Variants in PAPPA2 observed in about 807,000 individuals in gnomAD.
The protein encoded by PAPPA2 is pappalysin-2.
PAPPA2 carries 86 observed loss-of-function variants against 176.4 expected under a neutral mutation model. The observed-to-expected ratio is 0.49, with a 90% CI of 0.41 to 0.58. The LOEUF (loss-of-function observed/expected upper bound fraction) is 0.58, where lower values mean the gene tolerates loss of function less well. Ranked by LOEUF, PAPPA2 falls within the 20% of genes least tolerant of loss-of-function variation. The pLI is 0.00. For missense variants in PAPPA2, 2,073 were observed against 2,256.9 expected, an observed-to-expected ratio of 0.92 and a Z score of 1.65; for synonymous variants, 809 against 852.2, an observed-to-expected ratio of 0.95 and a Z score of 0.88.
chr1:176,603,003 G>T (rs10913215), intron 3 of PAPPA2, among the ~76,000 whole-genome samples: 18 of 152,076 alleles, frequency 1.2e-4, no homozygotes, highest in African/African-American at 2.4e-4. Context: ...TCAGGTGAGT[G>T]GGGGGCTGGG....
chr1:176,464,874 A>G (rs942735845), intron 1 of PAPPA2, among the ~76,000 whole-genome samples: 1 of 152,252 alleles, frequency 6.6e-6, no homozygotes, highest in African/African-American at 2.4e-5. Context: ...AAAACAATCC[A>G]TAATCCCAAT....
At position 176,770,245 on chromosome 1, in the gene PAPPA2, A is replaced by G. The variant is rs142841658; in HGVS notation, c.4501+461A>G. ...TTCTCAGACTTTGGTGTGCCTAACAATGACTCAGGAGGCTTGCTATAATTG... is the reference window on the plus strand; with the variant it reads ...TTCTCAGACTTTGGTGTGCCTAACAGTGACTCAGGAGGCTTGCTATAATTG... On this transcript the variant is annotated intron_variant, in intron 16 of 22. Transcript: ENST00000367662. Among the ~76,000 whole-genome samples, 361 of 152,346 alleles carry G rather than the reference A, an allele frequency of 2.4e-3. 3 individuals carry two copies. Among genetic ancestry groups the G allele is most frequent in the Middle Eastern group, 0.01 (3 of 294 alleles).
intron 12 of PAPPA2, among the ~76,000 whole-genome samples, chr1:176,728,426 T>C (rs1334313690): frequency 6.6e-6 from 1 of 151,848 alleles, no homozygotes; most frequent in Non-Finnish European, 1.5e-5. Flanking sequence ...AGTATCTCAG[T>C]AGCAATAAAA....
At chr1:176,567,662 C>T (rs1298574509) in intron 2 of PAPPA2, among the ~76,000 whole-genome samples, 1 of 152,148 alleles carries the variant, frequency 6.6e-6, no homozygotes, top group Non-Finnish European at 1.5e-5. Flanking sequence ...GAATTTAGGC[C>T]TGTAAACTGT....
intron 21 of PAPPA2, among the ~76,000 whole-genome samples, chr1:176,834,969 CT>C (rs1366948572): frequency 3.3e-5 from 5 of 152,018 alleles, no homozygotes; most frequent in African/African-American, 1.2e-4. Context: ...GAAAATTCAT[CT>C]CAAAAACAAA....
chr1:176,521,750 G>T (rs376700648), intron 1 of PAPPA2, among the ~76,000 whole-genome samples: 1 of 152,186 alleles, frequency 6.6e-6, no homozygotes, highest in Admixed American at 6.5e-5. Context: ...AGGGGGGAAA[G>T]TGATGACCAC....
chr1:176,710,598 C>T (rs1303152411), intron 11 of PAPPA2, among the ~76,000 whole-genome samples: 5 of 151,990 alleles, frequency 3.3e-5, no homozygotes, highest in Non-Finnish European at 7.4e-5. Context: ...TCTGACGGAT[C>T]TAAAATGCTA....
At chr1:176,679,280 A>G (rs1390126274) in intron 4 of PAPPA2, among the ~76,000 whole-genome samples, 1 of 152,114 alleles carries the variant, frequency 6.6e-6, no homozygotes, top group African/African-American at 2.4e-5. Context: ...ATCAACCTAC[A>G]TCCTGATAAC....
intron 1 of PAPPA2, among the ~76,000 whole-genome samples, chr1:176,514,911 A>G (rs1648819411): frequency 6.6e-6 from 1 of 152,168 alleles, no homozygotes; most frequent in Admixed American, 6.5e-5. Context: ...CATCAAGATT[A>G]TTCTTATTCA....
intron 1 of PAPPA2, among the ~76,000 whole-genome samples, chr1:176,477,690 A>G (rs1652197157): frequency 6.6e-6 from 1 of 152,192 alleles, no homozygotes; most frequent in Admixed American, 6.5e-5. Flanking sequence ...AGTTGCAGTG[A>G]GCCGAGATTG....
At chr1:176,765,096 G>A (rs542596886) in intron 14 of PAPPA2, among the ~76,000 whole-genome samples, 20 of 152,320 alleles carry the variant, frequency 1.3e-4, no homozygotes, top group Non-Finnish European at 2.9e-4. Flanking sequence ...AATATTCAGT[G>A]GTATGTACTG....
intron 4 of PAPPA2, among the ~76,000 whole-genome samples, chr1:176,674,529 G>T (rs374280151): frequency 1.3e-5 from 2 of 152,150 alleles, no homozygotes; most frequent in East Asian, 3.9e-4. Flanking sequence ...TCCCATTCCT[G>T]AGTTACTTCA....
intron 22 of PAPPA2, among the ~76,000 whole-genome samples, chr1:176,841,546 C>T (rs550736212): frequency 3.9e-5 from 6 of 152,034 alleles, no homozygotes; most frequent in African/African-American, 1.4e-4. Context: ...TTATTAATGC[C>T]CCAAAAGGAA....
intron 4 of PAPPA2, among the ~76,000 whole-genome samples, chr1:176,683,008 C>CTATTTATT (rs71865149): frequency 0.013 from 1,826 of 140,642 alleles, 17 homozygotes; most frequent in Non-Finnish European, 0.016. Context: ...TTGCCCAAAG[C>CTATTTATT]TATTTATTTA....
intron 21 of PAPPA2, among the ~76,000 whole-genome samples, chr1:176,821,067 C>A (rs560940179): frequency 6.6e-6 from 1 of 152,132 alleles, no homozygotes; most frequent in African/African-American, 2.4e-5. Context: ...ATGTCATAGC[C>A]TTCTTCTCAA....
intron 9 of PAPPA2, among the ~76,000 whole-genome samples, chr1:176,704,863 G>A (rs1660811027): frequency 6.6e-6 from 1 of 151,908 alleles, no homozygotes; most frequent in Admixed American, 6.6e-5. Flanking sequence ...AATATTTTGG[G>A]TTAGGTAAAA....
intron 14 of PAPPA2, among the ~76,000 whole-genome samples, chr1:176,759,517 G>A (rs1239924204): frequency 6.6e-6 from 1 of 152,024 alleles, no homozygotes; most frequent in Non-Finnish European, 1.5e-5. Context: ...GATTCTGACC[G>A]ACTCTGAAGT....
At chr1:176,501,847 G>A (rs1031401399) in intron 1 of PAPPA2, among the ~76,000 whole-genome samples, 2 of 152,138 alleles carry the variant, frequency 1.3e-5, no homozygotes, top group African/African-American at 4.8e-5. Flanking sequence ...AGTCACCGTG[G>A]TGATGCCACA....
chr1:176,653,265 G>C (rs1420526260), intron 3 of PAPPA2, among the ~76,000 whole-genome samples: 3 of 151,656 alleles, frequency 2.0e-5, no homozygotes, highest in Non-Finnish European at 4.4e-5. Context: ...ACTCTTAGAG[G>C]ATCATCCCCA....
Sources: gnomAD v4.1 joint callset for allele counts (sites outside exome capture counted in the v4.1 genomes callset) on GRCh38, gnomAD v4.1.1 for gene constraint, MANE v1.5 for transcripts, NCBI Gene and HGNC (gene_info 2026-07-23, HGNC 2026-07-21) for gene names.